The following TAF2 variants were observed in gnomAD, a reference collection of about 807,000 sequenced individuals.
The protein encoded by TAF2 is transcription initiation factor TFIID subunit 2.
TAF2 carries 61 observed loss-of-function variants against 138.5 expected under a neutral mutation model. That is an observed-to-expected ratio of 0.44 (90% CI 0.36 to 0.54). TAF2 has a LOEUF of 0.54. TAF2 is among the 20% of genes least tolerant of loss of function. The probability of loss-of-function intolerance (pLI) is 0.00; values close to 1 mark genes in which losing one functional copy is unlikely to be tolerated. For missense variants in TAF2, 1,090 were observed against 1,427.9 expected (o/e 0.76, Z 3.81); for synonymous variants, 475 against 469.9 (o/e 1.01, Z -0.14).
chr8:119,813,428 ACAACTTTTAAAAGG>A (rs1563917226), intron 3 of TAF2, among the ~76,000 whole-genome samples: 1 of 152,230 alleles, frequency 6.6e-6, no homozygotes, highest in Non-Finnish European at 1.5e-5. Flanking sequence ...TAATCCTAAA[ACAACTTTTAAAAGG>A]CAAATGAGTT....
intron 22 of TAF2, among the ~76,000 whole-genome samples, chr8:119,754,343 T>C (rs748917454): frequency 2.0e-5 from 3 of 152,218 alleles, no homozygotes; most frequent in Non-Finnish European, 4.4e-5. Context: ...GGACAACTTA[T>C]TTTCCAATAT....
chr8:119,734,040 G>T, intron 25 of TAF2, among the ~76,000 whole-genome samples: 1 of 152,246 alleles, frequency 6.6e-6, no homozygotes, highest in Admixed American at 6.5e-5. Flanking sequence ...GACATCCTAC[G>T]AGTAGAGGCC....
At chr8:119,773,861 A>G (rs1027520129) in intron 18 of TAF2, among the ~76,000 whole-genome samples, 2 of 151,762 alleles carry the variant, frequency 1.3e-5, no homozygotes, top group Middle Eastern at 3.4e-3. Context: ...TAATGTCATA[A>G]TAATTGTCTT....
intron 22 of TAF2, among the ~76,000 whole-genome samples, chr8:119,748,319 A>G (rs1259785665): frequency 6.6e-6 from 1 of 151,958 alleles, no homozygotes; most frequent in African/African-American, 2.4e-5. Flanking sequence ...TAAATAAATT[A>G]TCAACTAATA....
intron 14 of TAF2, among the ~76,000 whole-genome samples, chr8:119,786,088 T>C (rs1016764882): frequency 6.6e-5 from 10 of 152,196 alleles, no homozygotes; most frequent in African/African-American, 9.6e-5. Flanking sequence ...ATGAGTATAA[T>C]ACAACTTCTG....
chr8:119,823,173 G>T (rs972639824), intron 2 of TAF2, among the ~76,000 whole-genome samples: 28 of 152,124 alleles, frequency 1.8e-4, no homozygotes, highest in African/African-American at 6.8e-4. Flanking sequence ...ATCCTCAAAT[G>T]AATTTTGTGC....
intron 18 of TAF2, among the ~76,000 whole-genome samples, chr8:119,768,869 A>G (rs918889005): frequency 4.6e-5 from 7 of 152,200 alleles, no homozygotes; most frequent in African/African-American, 1.7e-4. Context: ...TCCAGTGGAG[A>G]GCCAGGGGAG....
intron 2 of TAF2, among the ~76,000 whole-genome samples, chr8:119,828,934 A>T (rs1184933305): frequency 6.6e-6 from 1 of 152,160 alleles, no homozygotes; most frequent in Non-Finnish European, 1.5e-5. Context: ...CTCCACAGTC[A>T]ATATGTAAAT....
At chr8:119,735,290 C>T (rs979170669) in intron 25 of TAF2, among the ~76,000 whole-genome samples, 4 of 152,252 alleles carry the variant, frequency 2.6e-5, no homozygotes, top group Admixed American at 2.6e-4. Context: ...CCTACCCCGC[C>T]CCCTCTAACA....
chr8:119,763,385 A>C (rs925716271), intron 18 of TAF2, among the ~76,000 whole-genome samples: 2 of 152,218 alleles, frequency 1.3e-5, no homozygotes, highest in Non-Finnish European at 2.9e-5. Flanking sequence ...CTTTGGGTAA[A>C]TCTCTTAACT....
rs566037110 is a variant in TAF2, at chr8:119,812,416, G to A, written c.300-6015C>T. ...TACAATAGGAATGTCTGAGATTTTA[G>A]TGTATCTGTTGCCCAAGTAGTGTAC... On this transcript the variant is annotated intron_variant, in intron 3 of 25. Transcript: ENST00000378164. Among the ~76,000 whole-genome samples the A allele has an allele frequency of 3.3e-5, 5 of 151,862 alleles. No individual in the cohort carries two copies. The South Asian group carries it at 1.0e-3, about 32-fold the overall frequency.
At chr8:119,825,604 T>A (rs1479999192) in intron 2 of TAF2, among the ~76,000 whole-genome samples, 1 of 152,140 alleles carries the variant, frequency 6.6e-6, no homozygotes, top group African/African-American at 2.4e-5. Context: ...AGGGACCCAG[T>A]GGGAGGTAAC....
At position 119,732,060 on chromosome 8, in the gene TAF2, T is replaced by C; in HGVS notation, c.3464A>G (p.Lys1155Arg). ...ATGTTTATGCTTCTTCTTCTTTTTC[T>C]TGTGCTCATGGTGATGGTGGTGATG... Reference protein sequence around the residue: ...DHHHHHHHEHKKKKKKHKHKH... With the variant: ...DHHHHHHHEHRKKKKKHKHKH... Residue 1155 changes from lysine to arginine, a missense_variant, in exon 26 of 26, where the codon AAG becomes AGG. Around this residue, in one of 3 missense-constraint regions of TAF2, gnomAD observed 580 missense variants for 719.6 expected, o/e 0.81. Transcript: ENST00000378164. The C allele has an allele frequency of 6.2e-7, 1 of 1,614,216 alleles. No individual in the cohort carries two copies.
chr8:119,807,916 T>C (rs1363573546), intron 3 of TAF2, among the ~76,000 whole-genome samples: 1 of 152,050 alleles, frequency 6.6e-6, no homozygotes, highest in Admixed American at 6.6e-5. Context: ...AGTGAGACTT[T>C]TTCTCAAAAA....
chr8:119,812,811 C>CA (rs199936538), intron 3 of TAF2, among the ~76,000 whole-genome samples: 151,956 of 152,004 alleles, frequency 1, 75,954 homozygotes, highest in Middle Eastern at 1. Context: ...TATACATACA[C>CA]CACACATACA....
At chr8:119,819,630 A>G (rs1825697450) in intron 2 of TAF2, 124 bp from the exon 3 acceptor site, 8 of 738,804 alleles carry the variant, frequency 1.1e-5, no homozygotes, top group South Asian at 6.0e-5. Context: ...AGCTACATAC[A>G]TACATATGCT....
chr8:119,775,329 G>A (rs566734915), intron 18 of TAF2, among the ~76,000 whole-genome samples: 10 of 147,980 alleles, frequency 6.8e-5, no homozygotes, highest in Non-Finnish European at 1.3e-4. Context: ...TCAAGCATCA[G>A]AGAGTAATTC....
intron 17 of TAF2, among the ~76,000 whole-genome samples, chr8:119,778,918 T>A (rs1253446236): frequency 6.6e-6 from 1 of 152,148 alleles, no homozygotes; most frequent in African/African-American, 2.4e-5. Flanking sequence ...GACTAGCCCC[T>A]CTTCTTACTC....
intron 4 of TAF2, 89 bp from the exon 5 acceptor site, chr8:119,804,108 G>A: frequency 6.2e-6 from 9 of 1,463,270 alleles, no homozygotes; most frequent in South Asian, 1.2e-5. Flanking sequence ...AACATGAAAT[G>A]GAATTGAGGA....
Sources: allele counts gnomAD v4.1 joint callset (sites outside exome capture counted in the v4.1 genomes callset), GRCh38; gene constraint gnomAD v4.1.1; regional missense constraint gnomAD v4.1.1; transcripts MANE v1.5; gene names NCBI Gene and HGNC (gene_info 2026-07-23, HGNC 2026-07-21).